The following ACOT8 variants were observed in gnomAD, a reference collection of about 807,000 sequenced individuals.
ACOT8 encodes acyl-coenzyme A thioesterase 8.
A neutral mutation model predicts 38.4 loss-of-function variants in ACOT8; 31 were observed. That is an observed-to-expected ratio of 0.81 (90% CI 0.61 to 1.09). The LOEUF (loss-of-function observed/expected upper bound fraction) is 1.09, where lower values mean the gene tolerates loss of function less well. Ranked by LOEUF, ACOT8 falls within the 50% of genes least tolerant of loss-of-function variation. The probability of loss-of-function intolerance (pLI) is 0.00; values close to 1 mark genes in which losing one functional copy is unlikely to be tolerated. For synonymous variants in ACOT8, 158 were observed against 170.3 expected (o/e 0.93, Z 0.56); for missense variants, 373 against 421.8 (o/e 0.88, Z 1.01).
intron 2 of ACOT8, among the ~76,000 whole-genome samples, chr20:45,854,501 G>A (rs13037894): frequency 0.079 from 12,016 of 152,256 alleles, 590 homozygotes; most frequent in South Asian, 0.14. Flanking sequence ...GAGCCACCGC[G>A]CCCGGCCTCA....
chr20:45,841,795 G>A lies in ACOT8; in HGVS notation c.*43C>T, dbSNP rs1984152623. 3 of 1,550,460 alleles carry A rather than the reference G, an allele frequency of 1.9e-6. No homozygotes were observed. Among genetic ancestry groups the A allele is most frequent in the Non-Finnish European group, 2.6e-6 (3 of 1,154,422 alleles). On this transcript the variant is annotated 3_prime_UTR_variant, in exon 6 of 6. Coordinates refer to ENST00000217455, the MANE Select transcript of ACOT8 (RefSeq NM_005469.4). ...AACTCCTGTCTCAGGAATGGGGATA[G>A]ATGGGAGGTTCTTGAAGCCCCAGGC...
At chr20:45,857,062 A>G (rs1438886557) in intron 1 of ACOT8, 126 bp downstream of exon 1, 3 of 1,161,306 alleles carry the variant, frequency 2.6e-6, no homozygotes, top group Non-Finnish European at 1.2e-6. Flanking sequence ...TTCTCTCCTA[A>G]TCGTGGCAGA....
Position 45,857,193 on chromosome 20 carries a change from G to C in ACOT8, c.123C>G (p.Leu41=), listed in dbSNP as rs756181417. 6.8e-6 allele frequency: 11 copies of C among 1,613,144 alleles called. 1 individual carries two copies. In the South Asian group the frequency reaches 1.1e-4, roughly 16 times the overall value. Residue 41 remains leucine (L), a synonymous_variant, in exon 1 of 6, where the codon CTC becomes CTG. Transcript: ENST00000217455. The part of the protein sequence containing the change: ...VLNLEPLDED[L]FRGRHYWVPA... ...GGGCAGGAGCTGCCGGCTACCTGAAGAGATCCTCGTCCAGCGGCTCGAGGT... is the reference window on the plus strand; with the variant it reads ...GGGCAGGAGCTGCCGGCTACCTGAACAGATCCTCGTCCAGCGGCTCGAGGT...
intron 4 of ACOT8, 32 bp from the exon 5 acceptor site, chr20:45,843,753 T>C (rs1984452993): frequency 1.2e-6 from 2 of 1,600,762 alleles, no homozygotes; most frequent in Non-Finnish European, 1.7e-6. Context: ...CCTGGGCTCC[T>C]GGGCTTTCCA....
chr20:45,845,004 A>G (rs762170973), intron 3 of ACOT8, among the ~76,000 whole-genome samples: 16 of 152,046 alleles, frequency 1.1e-4, no homozygotes, highest in Non-Finnish European at 1.0e-4. Flanking sequence ...GCAGTCTCCA[A>G]CTCCCAGGCT....
Position 45,841,724 on chromosome 20 carries a change from A to G in ACOT8, c.*114T>C. 1 of 1,432,700 alleles carries G rather than the reference A, an allele frequency of 7.0e-7. No homozygotes were observed. The highest frequency in any genetic ancestry group is 9.1e-7 in the Non-Finnish European group (1 of 1,099,222). The allele number at this position is 1,432,700 out of a possible 1,614,324, so 88.7% of individuals were successfully genotyped here. A position where few individuals can be genotyped will look rare whatever the true frequency, so the allele number is the denominator to read the frequency against. On this transcript the variant is annotated 3_prime_UTR_variant, in exon 6 of 6. Transcript: ENST00000217455. ...AGGGGAATTAAAAGCCAGCCACTCCAGTGGTATCAGTCTCTTTATTGGATG... is the reference window on the plus strand; with the variant it reads ...AGGGGAATTAAAAGCCAGCCACTCCGGTGGTATCAGTCTCTTTATTGGATG...
Position 45,857,355 on chromosome 20 carries a change from A to G in ACOT8, c.-40T>C. On this transcript the variant is annotated 5_prime_UTR_variant, in exon 1 of 6. Coordinates refer to ENST00000217455, the MANE Select transcript of ACOT8 (RefSeq NM_005469.4). Reference sequence around the variant, plus strand: ...CAGGCCCTGCACACCCGCTCCGCGGAAGACGCGGAGACATACACAGAACCT... The same window carrying G: ...CAGGCCCTGCACACCCGCTCCGCGGGAGACGCGGAGACATACACAGAACCT... 8.3e-6 allele frequency: 13 copies of G among 1,561,694 alleles called. No individual in the cohort carries two copies. Among genetic ancestry groups the G allele is most frequent in the South Asian group, 1.2e-5 (1 of 86,042 alleles).
At chr20:45,853,965 A>C in intron 2 of ACOT8, 1 of 1,304,472 alleles carries the variant, frequency 7.7e-7, no homozygotes, top group Non-Finnish European at 1.0e-6. Flanking sequence ...ATCTACGCAG[A>C]ACACATGAGG....
At chr20:45,857,149 C>T (rs761244575) in intron 1 of ACOT8, 39 bp downstream of exon 1, 10 of 1,594,532 alleles carry the variant, frequency 6.3e-6, no homozygotes, top group Middle Eastern at 1.7e-4. Context: ...CAAGTTTCTG[C>T]CCTAAAGGAG....
Position 45,857,389 on chromosome 20 carries a change from C to T in ACOT8, c.-74G>A. ...AGACATACACAGAACCTGACTCTTC[C>T]GGCAGATTGCCCTAGTAACCGGAAG... On this transcript the variant is annotated 5_prime_UTR_variant, in exon 1 of 6. Transcript: ENST00000217455. 1.3e-6 allele frequency: 2 copies of T among 1,504,608 alleles called. No homozygotes were observed. Among genetic ancestry groups the T allele is most frequent in the East Asian group, 2.5e-5 (1 of 39,766 alleles). 93.2% of individuals were successfully genotyped at this position (1,504,608 alleles called of 1,614,324 possible).
chr20:45,850,989 T>C (rs952695865), intron 2 of ACOT8, among the ~76,000 whole-genome samples: 1 of 152,204 alleles, frequency 6.6e-6, no homozygotes, highest in Admixed American at 6.5e-5. Context: ...GTTCTCACTT[T>C]GTCTGAGTCA....
rs369757435 is a variant in ACOT8, at chr20:45,843,669, A to G, written c.699T>C (p.Tyr233=). 50 of 1,612,398 alleles carry G rather than the reference A, an allele frequency of 3.1e-5. No individual in the cohort carries two copies. Among genetic ancestry groups the G allele is most frequent in the South Asian group, 7.7e-5 (7 of 91,082 alleles). ...HCCVAAYISD[Y]AFLGTALLPH... is the part of the protein sequence containing the mutation. ...GCAGCAGTGCAGTGCCCAAGAAGGC[A>G]TAGTCGGAGATATAGGCGGCCACGC... Residue 233 remains tyrosine (Y), a synonymous_variant, in exon 5 of 6, where the codon TAT becomes TAC. Coordinates refer to ENST00000217455, the MANE Select transcript of ACOT8 (RefSeq NM_005469.4).
Position 45,844,377 on chromosome 20 carries a change from T to G in ACOT8, c.532A>C (p.Ile178Leu). 6.2e-7 allele frequency: 1 copy of G among 1,614,022 alleles called. No homozygotes were observed. The highest frequency in any genetic ancestry group is 8.5e-7 in the Non-Finnish European group (1 of 1,179,974). Residue 178 changes from isoleucine to leucine, a missense_variant, in exon 4 of 6, where the codon ATT becomes CTT. Transcript: ENST00000217455. ...TCAATGGGGACCTCCTGAGCAGCAA[T>G]TCGGTTGAGCGCCAATGGGTACCTC... ...QKRYPLALNRIAAQEVPIEIK... is the reference protein window; with the variant it reads ...QKRYPLALNRLAAQEVPIEIK...
At chr20:45,844,203 A>T in intron 4 of ACOT8, 60 bp downstream of exon 4, 1 of 1,609,604 alleles carries the variant, frequency 6.2e-7, no homozygotes, top group Non-Finnish European at 8.5e-7. Flanking sequence ...AAGGCCACAC[A>T]GCAAATGAGT....
chr20:45,843,084 C>T, intron 5 of ACOT8: 1 of 1,135,210 alleles, frequency 8.8e-7, no homozygotes, highest in Non-Finnish European at 1.1e-6. Flanking sequence ...GGACCTTATC[C>T]AAGACCTACT....
At chr20:45,846,123 A>G (rs569965305) in intron 3 of ACOT8, among the ~76,000 whole-genome samples, 51 of 152,342 alleles carry the variant, frequency 3.3e-4, no homozygotes, top group African/African-American at 1.2e-3. Flanking sequence ...TACAGGCATG[A>G]ACCACTGCGC....
At position 45,841,762 on chromosome 20, in the gene ACOT8, G is replaced by A; in HGVS notation, c.*76C>T. ...TCTTTATTGGATGTGAGGGCCAAAA[G>A]GGACTGTAACTCCTGTCTCAGGAAT... On this transcript the variant is annotated 3_prime_UTR_variant, in exon 6 of 6. Transcript: ENST00000217455. 5 of 1,480,312 alleles carry A rather than the reference G, an allele frequency of 3.4e-6. No homozygotes were observed. The highest frequency in any genetic ancestry group is 3.6e-6 in the Non-Finnish European group (4 of 1,123,178). 91.7% of individuals were successfully genotyped at this position (1,480,312 alleles called of 1,614,324 possible). A position where few individuals can be genotyped will look rare whatever the true frequency, so the allele number is the denominator to read the frequency against.
intron 3 of ACOT8, 77 bp downstream of exon 3, chr20:45,848,373 C>T (rs1984825828): frequency 7.6e-7 from 1 of 1,313,442 alleles, no homozygotes; most frequent in Non-Finnish European, 1.0e-6. Flanking sequence ...TCAAGACCCA[C>T]TAAAGGATTC....
At chr20:45,852,554 T>C (rs904465781) in intron 2 of ACOT8, among the ~76,000 whole-genome samples, 2 of 152,156 alleles carry the variant, frequency 1.3e-5, no homozygotes, top group Admixed American at 6.6e-5. Flanking sequence ...CTCCCCTTTT[T>C]GCCTTGCAGC....
Sources: allele counts gnomAD v4.1 joint callset (sites outside exome capture counted in the v4.1 genomes callset), GRCh38; gene constraint gnomAD v4.1.1; transcripts MANE v1.5; gene names NCBI Gene and HGNC (gene_info 2026-07-23, HGNC 2026-07-21).